The following TTC29 variants were observed in gnomAD, a reference collection of about 807,000 sequenced individuals.
TTC29 encodes tetratricopeptide repeat domain 29, also known as tetratricopeptide repeat protein 29.
Under a neutral mutation model 58.1 loss-of-function variants are expected in TTC29, and 49 were observed. The ratio of observed to expected loss-of-function variants is 0.84; its 90% confidence interval spans 0.67 to 1.07. TTC29 has a LOEUF of 1.07. TTC29 is among the 50% of genes least tolerant of loss of function. The probability of loss-of-function intolerance (pLI) is 0.00; values close to 1 mark genes in which losing one functional copy is unlikely to be tolerated. For synonymous variants in TTC29, 209 were observed against 196.8 expected (o/e 1.06, Z -0.52); for missense variants, 582 against 555.6 (o/e 1.05, Z -0.48).
intron 8 of TTC29, among the ~76,000 whole-genome samples, chr4:146,856,589 C>A (rs1272942694): frequency 6.6e-6 from 1 of 151,110 alleles, no homozygotes; most frequent in Non-Finnish European, 1.5e-5. Flanking sequence ...ATGCTTTTGT[C>A]ATTTAAATGA....
In TTC29 at chr4:146,938,077, A is replaced by C. The variant is rs182546686; in HGVS notation, c.93-400T>G. Among the ~76,000 whole-genome samples, 73 of 152,276 alleles carry C rather than the reference A, an allele frequency of 4.8e-4. 2 individuals are homozygous for C. The South Asian group carries it at 6.4e-3, about 13-fold the overall frequency. ...CTGTTTGATTCAAATGTGTAACGTG[A>C]ATTTATTCCAAACATTACTCAATTT... On this transcript the variant is annotated intron_variant, in intron 3 of 12. Transcript: ENST00000325106.
At chr4:146,801,192 G>A (rs1325504822) in intron 11 of TTC29, among the ~76,000 whole-genome samples, 1 of 152,198 alleles carries the variant, frequency 6.6e-6, no homozygotes, top group Admixed American at 6.5e-5. Context: ...AAGCAGAGCA[G>A]AGATGGTGTT....
intron 4 of TTC29, among the ~76,000 whole-genome samples, chr4:146,926,465 TTTTTTTG>T (rs1019931057): frequency 1.3e-5 from 2 of 152,138 alleles, no homozygotes; most frequent in Non-Finnish European, 2.9e-5. Flanking sequence ...TACAAAGGTT[TTTTTTTG>T]TTTTTTGTTT....
intron 11 of TTC29, among the ~76,000 whole-genome samples, chr4:146,783,556 G>T (rs1391812491): frequency 1.3e-5 from 2 of 152,066 alleles, no homozygotes; most frequent in Non-Finnish European, 2.9e-5. Context: ...AATCTGCGAT[G>T]CCTTAACATA....
chr4:146,733,249 A>G (rs1744474623), intron 11 of TTC29, among the ~76,000 whole-genome samples: 1 of 152,196 alleles, frequency 6.6e-6, no homozygotes, highest in South Asian at 2.1e-4. Context: ...CAGAGGGTGT[A>G]AAGTTGGGAG....
At chr4:146,840,935 G>A (rs1728814067) in intron 8 of TTC29, among the ~76,000 whole-genome samples, 1 of 152,120 alleles carries the variant, frequency 6.6e-6, no homozygotes, top group South Asian at 2.1e-4. Context: ...TAGAAAGTGT[G>A]CTTTAAAAAG....
chr4:146,895,750 AATTTG>A (rs1373347239), intron 6 of TTC29, among the ~76,000 whole-genome samples: 1 of 152,124 alleles, frequency 6.6e-6, no homozygotes, highest in Non-Finnish European at 1.5e-5. Flanking sequence ...GTTTCTTATG[AATTTG>A]TTTTATACTT....
At chr4:146,822,766 A>T (rs1344155459) in intron 9 of TTC29, among the ~76,000 whole-genome samples, 1 of 152,016 alleles carries the variant, frequency 6.6e-6, no homozygotes, top group African/African-American at 2.4e-5. Flanking sequence ...ACCAGAATCT[A>T]TTGTTTCCTG....
intron 6 of TTC29, among the ~76,000 whole-genome samples, chr4:146,881,533 C>G (rs1422421382): frequency 1.3e-5 from 2 of 152,122 alleles, no homozygotes; most frequent in Non-Finnish European, 2.9e-5. Context: ...GAGATAAAAT[C>G]TGCTAGAAGC....
In TTC29 at chr4:146,803,623, C is replaced by G. The variant is rs761888120; in HGVS notation, c.1164G>C (p.Met388Ile). The change falls in exon 11 of 13, where the codon ATG becomes ATC. Residue 388 changes from methionine (M) to isoleucine (I), a missense_variant. Coordinates refer to ENST00000325106, the MANE Select transcript of TTC29 (RefSeq NM_031956.4). Reference protein sequence around the residue: ...QQAFDTTVELMSMPLMDETKV... With the variant: ...QQAFDTTVELISMPLMDETKV... The stretch of plus-strand genomic sequence containing the variant: ...TTGTCTCATCCATCAGAGGCATGCT[C>G]ATTAGCTCTACTGTTGTGTCAAAAG... 1.9e-6 allele frequency: 3 copies of G among 1,609,602 alleles called. No homozygotes were observed. The East Asian group carries it at 6.7e-5, about 36-fold the overall frequency.
intron 8 of TTC29, among the ~76,000 whole-genome samples, chr4:146,851,788 T>C (rs1188257350): frequency 6.6e-6 from 1 of 152,172 alleles, no homozygotes; most frequent in Non-Finnish European, 1.5e-5. Context: ...AGTTACATCA[T>C]AACAAAGGAA....
chr4:146,748,918 GA>G (rs1442263919), intron 11 of TTC29, among the ~76,000 whole-genome samples: 2 of 152,130 alleles, frequency 1.3e-5, no homozygotes, highest in Non-Finnish European at 2.9e-5. Context: ...TGAATTACCT[GA>G]AAGAGAATCC....
intron 2 of TTC29, among the ~76,000 whole-genome samples, chr4:146,941,004 C>T (rs1465059539): frequency 6.6e-6 from 1 of 152,104 alleles, no homozygotes; most frequent in Admixed American, 6.5e-5. Context: ...TTGGAAAATG[C>T]AGTGTGCCAG....
At chr4:146,780,304 T>TGTGTGC (rs1429110515) in intron 11 of TTC29, among the ~76,000 whole-genome samples, 1 of 40,908 alleles carries the variant, frequency 2.4e-5, no homozygotes, top group African/African-American at 1.3e-4. Flanking sequence ...TAACTTGGGG[T>TGTGTGC]GTGTGTGTGT....
chr4:146,883,965 G>A (rs537396202), intron 6 of TTC29, among the ~76,000 whole-genome samples: 30 of 152,126 alleles, frequency 2.0e-4, no homozygotes, highest in African/African-American at 6.7e-4. Flanking sequence ...AGACTTTAGG[G>A]ATGTAACCCA....
intron 8 of TTC29, among the ~76,000 whole-genome samples, chr4:146,866,313 T>A (rs1435750062): frequency 1.3e-5 from 2 of 152,184 alleles, no homozygotes; most frequent in African/African-American, 4.8e-5. Flanking sequence ...CCCAACACAC[T>A]GAGTATGTCC....
At chr4:146,838,920 A>ATC (rs1165225302) in intron 8 of TTC29, among the ~76,000 whole-genome samples, 3 of 152,012 alleles carry the variant, frequency 2.0e-5, no homozygotes, top group Non-Finnish European at 4.4e-5. Flanking sequence ...GAAATTTTAA[A>ATC]TCACTATGAG....
chr4:146,935,118 G>A (rs984293075), intron 4 of TTC29, among the ~76,000 whole-genome samples: 2 of 152,050 alleles, frequency 1.3e-5, no homozygotes, highest in African/African-American at 2.4e-5. Context: ...TTAACTGCAG[G>A]AGGTTAAGTC....
At chr4:146,821,740 T>C (rs1194512359) in intron 9 of TTC29, among the ~76,000 whole-genome samples, 2 of 152,206 alleles carry the variant, frequency 1.3e-5, no homozygotes, top group African/African-American at 2.4e-5. Flanking sequence ...GAGTCTATGA[T>C]TGTAAACTCC....
Sources: allele counts gnomAD v4.1 joint callset (sites outside exome capture counted in the v4.1 genomes callset), GRCh38; gene constraint gnomAD v4.1.1; transcripts MANE v1.5; gene names NCBI Gene and HGNC (gene_info 2026-07-23, HGNC 2026-07-21).